The following IFI35 variants were observed in gnomAD, a reference collection of about 807,000 sequenced individuals.
IFI35 encodes the protein interferon induced protein 35, also known as interferon-induced 35 kDa protein.
IFI35 carries 30 observed loss-of-function variants against 28.6 expected under a neutral mutation model. The observed-to-expected ratio is 1.05, with a 90% CI of 0.79 to 1.43. The LOEUF (loss-of-function observed/expected upper bound fraction) is 1.43. Ranked by LOEUF, IFI35 falls within the 40% of genes most tolerant of loss-of-function variation. The pLI is 0.00. For synonymous variants in IFI35, 146 were observed against 154.8 expected (o/e 0.94, Z 0.42); for missense variants, 372 against 356.9 (o/e 1.04, Z -0.34).
intron 1 of IFI35, among the ~76,000 whole-genome samples, chr17:43,010,430 TG>T (rs917028223): frequency 2.0e-5 from 3 of 152,012 alleles, no homozygotes; most frequent in Admixed American, 1.3e-4. Context: ...AGATTTGCTG[TG>T]GGGGGAAACT....
In IFI35 at chr17:43,007,117, T is replaced by G. The variant is rs2050414414; in HGVS notation, c.21+149T>G. On this transcript the variant is annotated intron_variant, in intron 1 of 6. Coordinates refer to ENST00000415816, the MANE Select transcript of IFI35 (RefSeq NM_001330230.2). ...GCTGGGGAGAAACACAGGGCTGGGG[T>G]TGCCTCTGCAAGAGTTGGTTCCCTA... The G allele has an allele frequency of 5.7e-6, 5 of 874,790 alleles. No homozygotes were observed. The East Asian group carries it at 1.3e-4, about 22-fold the overall frequency. 54.2% of individuals were successfully genotyped at this position (874,790 alleles called of 1,614,324 possible). A position where few individuals can be genotyped will look rare whatever the true frequency, so the allele number is the denominator to read the frequency against.
intron 2 of IFI35, 143 bp from the exon 3 acceptor site, chr17:43,012,894 TGGACCAGACC>T: frequency 1.2e-6 from 1 of 820,916 alleles, no homozygotes; most frequent in South Asian, 1.7e-5. Flanking sequence ...TTGCCCTGTA[TGGACCAGACC>T]TGCATTCATC....
At chr17:43,010,678 A>C (rs2050450378) in intron 1 of IFI35, among the ~76,000 whole-genome samples, 3 of 152,234 alleles carry the variant, frequency 2.0e-5, no homozygotes, top group Admixed American at 6.5e-5. Context: ...TTCTGCTAAA[A>C]ATAGAACAAA....
rs528665468 is a variant in IFI35, at chr17:43,007,377, C to T, written c.21+409C>T. Among the ~76,000 whole-genome samples, 27 of 151,956 alleles carry T rather than the reference C, an allele frequency of 1.8e-4. No individual in the cohort carries two copies. The East Asian group carries it at 2.7e-3, about 15-fold the overall frequency. ...AAAATTAGCTGTGTGTGGTGGTGTGCGCCTGTAATCCCAGCTACTTGGGAG... is the reference window on the plus strand; with the variant it reads ...AAAATTAGCTGTGTGTGGTGGTGTGTGCCTGTAATCCCAGCTACTTGGGAG... On this transcript the variant is annotated intron_variant, in intron 1 of 6. Coordinates refer to ENST00000415816, the MANE Select transcript of IFI35 (RefSeq NM_001330230.2).
At chr17:43,011,996 C>T (rs2151968875) in intron 1 of IFI35, 183 bp from the exon 2 acceptor site, 1 of 424,970 alleles carries the variant, frequency 2.4e-6, no homozygotes, top group African/African-American at 2.0e-5. Context: ...TGAGATGAGG[C>T]CAGCCAAGCC....
At chr17:43,012,082 G>A in intron 1 of IFI35, 97 bp from the exon 2 acceptor site, 1 of 829,552 alleles carries the variant, frequency 1.2e-6, no homozygotes, top group Non-Finnish European at 1.9e-6. Context: ...CATCAACTCT[G>A]CTTTTGGAGC....
chr17:43,007,163 G>T (rs1246635389), intron 1 of IFI35, among the ~76,000 whole-genome samples, 195 bp downstream of exon 1: 1 of 152,200 alleles, frequency 6.6e-6, no homozygotes, highest in East Asian at 1.9e-4. Context: ...TCAGACAGGA[G>T]GAGCTCATTA....
Position 43,013,327 on chromosome 17 carries a change from G to A in IFI35, c.329G>A (p.Arg110Gln), listed in dbSNP as rs376682517. ...HTINMEECRL[R>Q]VQVQPLELPM... The stretch of plus-strand genomic sequence containing the variant: ...ATCAACATGGAGGAGTGCCGGCTGC[G>A]GGTGCAGGTCCAGCCCTTGGAGCTG... Residue 110 changes from arginine to glutamine, a missense_variant, in exon 4 of 7, where the codon CGG becomes CAG. Physicochemically the swap from Arg to Gln is conservative, Grantham distance 43 (BLOSUM62 1). Transcript: ENST00000415816. 35 of 1,614,146 alleles carry A rather than the reference G, an allele frequency of 2.2e-5. No homozygotes were observed. The African/African-American group carries it at 2.4e-4, about 11-fold the overall frequency.
intron 1 of IFI35, among the ~76,000 whole-genome samples, chr17:43,010,932 A>G (rs1018304031): frequency 1.3e-5 from 2 of 152,124 alleles, no homozygotes; most frequent in African/African-American, 4.8e-5. Flanking sequence ...TATTCCACAA[A>G]CAAAGGTGCA....
intron 1 of IFI35, among the ~76,000 whole-genome samples, chr17:43,007,502 C>CT (rs2050418066): frequency 7.7e-6 from 1 of 129,262 alleles, no homozygotes; most frequent in African/African-American, 3.0e-5. Flanking sequence ...GAGACTCTGT[C>CT]TAAAAAAAAA....
intron 2 of IFI35, 37 bp from the exon 3 acceptor site, chr17:43,013,010 A>G (rs778371650): frequency 1.9e-6 from 3 of 1,599,354 alleles, no homozygotes; most frequent in East Asian, 4.5e-5. Context: ...CCTAGGTGGG[A>G]GTGAGGAACA....
At chr17:43,012,455 A>G (rs1235928340) in intron 2 of IFI35, 178 bp downstream of exon 2, 1 of 441,170 alleles carries the variant, frequency 2.3e-6, no homozygotes, top group Non-Finnish European at 4.1e-6. Flanking sequence ...AAATACAAAA[A>G]TTAGGCCGGG....
intron 1 of IFI35, among the ~76,000 whole-genome samples, chr17:43,011,509 ACT>A (rs1398528017): frequency 6.6e-6 from 1 of 151,934 alleles, no homozygotes; most frequent in African/African-American, 2.4e-5. Context: ...ACAGAGCAAG[ACT>A]CTGTCTCAAA....
At chr17:43,013,453 C>T (rs1161681305) in intron 4 of IFI35, 23 bp from the exon 5 acceptor site, 1 of 1,613,172 alleles carries the variant, frequency 6.2e-7, no homozygotes, top group African/African-American at 1.3e-5. Flanking sequence ...TGTCTGGGAC[C>T]ACCCCTTGCT....
At chr17:43,010,435 G>A (rs2050448379) in intron 1 of IFI35, among the ~76,000 whole-genome samples, 1 of 151,996 alleles carries the variant, frequency 6.6e-6, no homozygotes, top group African/African-American at 2.4e-5. Context: ...TGCTGTGGGG[G>A]GAAACTTTGT....
At chr17:43,008,776 G>T (rs1597777112) in intron 1 of IFI35, among the ~76,000 whole-genome samples, 2 of 151,818 alleles carry the variant, frequency 1.3e-5, no homozygotes, top group East Asian at 3.9e-4. Context: ...GCCTGCCTCA[G>T]CCTCCCAAAG....
Position 43,012,256 on chromosome 17 carries a change from CGGGGACTCCCCCAAAGACAA to C in IFI35, c.102_120+1del, listed in dbSNP as rs751008354. On this transcript the variant is annotated frameshift_variant and splice_region_variant, in exon 2 of 7. Coordinates refer to ENST00000415816, the MANE Select transcript of IFI35 (RefSeq NM_001330230.2). LOFTEE classifies it high-confidence loss of function. The stretch of plus-strand genomic sequence containing the variant: ...ACCTGCAGCAGCTGAGAAAGGAGCT[CGGGGACTCCCCCAAAGACAA>C]GGTAAGGTGGGAGATCTGGTGTTGT... The C allele has an allele frequency of 6.4e-7, 1 of 1,573,620 alleles. No individual in the cohort carries two copies. Among genetic ancestry groups the C allele is most frequent in the South Asian group, 1.2e-5 (1 of 85,628 alleles).
intron 1 of IFI35, among the ~76,000 whole-genome samples, chr17:43,007,847 T>A (rs868588075): frequency 5.9e-5 from 7 of 119,048 alleles, no homozygotes; most frequent in African/African-American, 2.3e-4. Context: ...CACACAAAAT[T>A]TATATATATA....
At chr17:43,008,288 G>C (rs1188596965) in intron 1 of IFI35, among the ~76,000 whole-genome samples, 9 of 147,856 alleles carry the variant, frequency 6.1e-5, no homozygotes, top group Non-Finnish European at 1.3e-4. Flanking sequence ...CCCCCCTCAA[G>C]CTCCCAAAGT....
Sources: gnomAD v4.1 joint callset for allele counts (sites outside exome capture counted in the v4.1 genomes callset) on GRCh38, gnomAD v4.1.1 for gene constraint, MANE v1.5 for transcripts, NCBI Gene and HGNC (gene_info 2026-07-23, HGNC 2026-07-21) for gene names.